Variants in MAPRE3 observed in about 807,000 individuals in gnomAD.
The protein encoded by MAPRE3 is microtubule associated protein RP/EB family member 3.
MAPRE3 carries 2 observed loss-of-function variants against 30.5 expected under a neutral mutation model. The observed-to-expected ratio is 0.07, with a 90% CI of 0.03 to 0.21. MAPRE3 has a LOEUF of 0.21. Among genes scored for constraint, MAPRE3 ranks in the 10% least tolerant of loss-of-function variants. The probability of loss-of-function intolerance (pLI) is 1.00; values close to 1 mark genes in which losing one functional copy is unlikely to be tolerated. For missense variants in MAPRE3, 204 were observed against 351.8 expected (o/e 0.58, Z 3.36); for synonymous variants, 110 against 127.7 (o/e 0.86, Z 0.93).
intron 1 of MAPRE3, among the ~76,000 whole-genome samples, chr2:26,972,651 C>G (rs1289118147): frequency 6.6e-6 from 1 of 152,210 alleles, no homozygotes; most frequent in Admixed American, 6.5e-5. Flanking sequence ...TACTGGAGAG[C>G]TGCTCCTCCT....
intron 1 of MAPRE3, chr2:27,002,149 G>C (rs1666614523): frequency 6.6e-6 from 1 of 152,180 alleles, no homozygotes; most frequent in African/African-American, 2.4e-5. Context: ...AAGGAAGAAG[G>C]GTGTTGGGAT....
chr2:26,995,825 G>GTGTA lies in MAPRE3; in HGVS notation c.-8+25026_-8+25027insATGT, dbSNP rs1553327994. ...TGTGTGTGTGTGTGTGTGTGTGTGT[G>GTGTA]TGTGTATGTGTGTGTGTTTTGGAAA... On this transcript the variant is annotated intron_variant, in intron 1 of 6. Transcript: ENST00000233121. Among the ~76,000 whole-genome samples, 25 of 149,348 alleles carry GTGTA rather than the reference G, an allele frequency of 1.7e-4. No homozygotes were observed. In the South Asian group the frequency reaches 2.0e-3, roughly 12 times the overall value.
intron 1 of MAPRE3, among the ~76,000 whole-genome samples, chr2:27,018,181 A>G (rs1667028446): frequency 6.6e-6 from 1 of 152,136 alleles, no homozygotes; most frequent in Non-Finnish European, 1.5e-5. Context: ...CCAACCTAAG[A>G]CTACTCCTTG....
Position 26,990,279 on chromosome 2 carries a change from C to T in MAPRE3, c.-8+19477C>T, listed in dbSNP as rs563558304. Among the ~76,000 whole-genome samples the T allele has an allele frequency of 2.6e-5, 4 of 152,330 alleles. No individual in the cohort carries two copies. The South Asian group carries it at 8.3e-4, about 32-fold the overall frequency. On this transcript the variant is annotated intron_variant, in intron 1 of 6. Transcript: ENST00000233121. ...TTCCCAAGGAAGCTGTGTATTTCCACACCCCCTCCTATGCGCCCCATGCTC... is the reference window on the plus strand; with the variant it reads ...TTCCCAAGGAAGCTGTGTATTTCCATACCCCCTCCTATGCGCCCCATGCTC...
At chr2:26,991,919 C>T (rs1666353348) in intron 1 of MAPRE3, among the ~76,000 whole-genome samples, 1 of 152,154 alleles carries the variant, frequency 6.6e-6, no homozygotes, top group African/African-American at 2.4e-5. Context: ...CTAGACTTTG[C>T]ACCTTGACCT....
intron 1 of MAPRE3, among the ~76,000 whole-genome samples, chr2:27,000,761 C>T (rs1409938999): frequency 1.3e-5 from 2 of 152,164 alleles, no homozygotes; most frequent in Non-Finnish European, 2.9e-5. Flanking sequence ...CTCAGTGGCC[C>T]TAGTTAGAAG....
intron 1 of MAPRE3, among the ~76,000 whole-genome samples, chr2:26,984,278 A>G (rs1486957838): frequency 6.6e-6 from 1 of 152,266 alleles, no homozygotes; most frequent in African/African-American, 2.4e-5. Context: ...ATATTTATGA[A>G]TTAAAACATT....
At chr2:27,018,918 TA>T (rs1387280754) in intron 1 of MAPRE3, among the ~76,000 whole-genome samples, 6 of 151,446 alleles carry the variant, frequency 4.0e-5, no homozygotes, top group African/African-American at 1.5e-4. Context: ...TTTATTTATT[TA>T]TTTATTTATT....
intron 1 of MAPRE3, chr2:26,995,490 A>T (rs932248863): frequency 6.6e-6 from 1 of 152,232 alleles, no homozygotes; most frequent in African/African-American, 2.4e-5. Flanking sequence ...GAATGATGGG[A>T]TGTGTCAACA....
chr2:26,976,451 G>A (rs1236185588), intron 1 of MAPRE3, among the ~76,000 whole-genome samples: 5 of 152,132 alleles, frequency 3.3e-5, no homozygotes, highest in South Asian at 2.1e-4. Flanking sequence ...GTACAATTTC[G>A]TGTGACAGTT....
At position 26,986,962 on chromosome 2, in the gene MAPRE3, C is replaced by G. The variant is rs1037585813; in HGVS notation, c.-8+16160C>G. 6.6e-6 allele frequency among the ~76,000 whole-genome samples: 1 copy of G among 152,032 alleles called. No homozygotes were observed. The highest frequency in any genetic ancestry group is 2.4e-5 in the African/African-American group (1 of 41,386). On this transcript the variant is annotated intron_variant, in intron 1 of 6. Transcript: ENST00000233121. This position sits in a 1 kb window ranked among gnomAD's most constrained non-coding sequence, Gnocchi z 4.2. ...AGCCACCGTGTGAAAGAGTTTCCAC[C>G]TAGAGGTAAGAACTCAGGAGGGAGT...
rs765430918 is a variant in MAPRE3, at chr2:27,026,352, C to T, written c.*4C>T. ...AGAAGACCAGGACGAGTACTGAGGG[C>T]GGCCGCAGCCCTGGCTGACTGCACA... On this transcript the variant is annotated 3_prime_UTR_variant, in exon 7 of 7. Transcript: ENST00000233121. The T allele has an allele frequency of 1.1e-5, 18 of 1,612,158 alleles. No homozygotes were observed. The highest frequency in any genetic ancestry group is 8.8e-5 in the South Asian group (8 of 90,916).
intron 1 of MAPRE3, among the ~76,000 whole-genome samples, chr2:26,984,529 G>A (rs1454841899): frequency 2.0e-5 from 3 of 152,192 alleles, no homozygotes; most frequent in Non-Finnish European, 2.9e-5. Context: ...TGGCACCAGG[G>A]GGTGGTTTGG....
chr2:27,023,964 G>C, intron 3 of MAPRE3, 132 bp from the exon 4 acceptor site: 1 of 665,260 alleles, frequency 1.5e-6, no homozygotes, highest in Admixed American at 2.7e-5. Flanking sequence ...CCGTGGGAGG[G>C]GGGCAAGTGG....
At chr2:26,971,641 A>C (rs1665918573) in intron 1 of MAPRE3, among the ~76,000 whole-genome samples, 1 of 150,866 alleles carries the variant, frequency 6.6e-6, no homozygotes, top group Non-Finnish European at 1.5e-5. Context: ...TTTAAATCGC[A>C]CTACAACCCT....
At position 27,025,590 on chromosome 2, in the gene MAPRE3, G is replaced by A. The variant is rs770244043; in HGVS notation, c.477G>A (p.Gln159=). 2.4e-5 allele frequency: 38 copies of A among 1,576,018 alleles called. No homozygotes were observed. Among genetic ancestry groups the A allele is most frequent in the Middle Eastern group, 1.7e-4 (1 of 5,842 alleles). The change falls in exon 5 of 7, where the codon CAG becomes CAA. Residue 159 remains glutamine, a synonymous_variant. Coordinates refer to ENST00000233121, the MANE Select transcript of MAPRE3 (RefSeq NM_012326.4). The part of the protein sequence containing the change: ...SKKLIGTAVP[Q]RTSPTGPKNM... The stretch of plus-strand genomic sequence containing the variant: ...CTCTTTTCCTCTGGGCAGTTCCACA[G>A]AGGACGTCCCCCACAGGCCCAAAAA...
intron 1 of MAPRE3, chr2:26,997,045 A>G (rs1478144589): frequency 6.6e-6 from 1 of 151,828 alleles, no homozygotes; most frequent in Non-Finnish European, 1.5e-5. Context: ...GTTGTAAAAT[A>G]CATGATATGT....
intron 1 of MAPRE3, among the ~76,000 whole-genome samples, chr2:27,020,720 A>C (rs1667091884): frequency 6.6e-6 from 1 of 152,252 alleles, no homozygotes; most frequent in Non-Finnish European, 1.5e-5. Flanking sequence ...TAAGTCTGCA[A>C]GGCAAATTCG....
chr2:26,972,172 G>T (rs554998037), intron 1 of MAPRE3, among the ~76,000 whole-genome samples: 1 of 152,130 alleles, frequency 6.6e-6, no homozygotes, highest in Non-Finnish European at 1.5e-5. Context: ...TAGAAAGCAC[G>T]TGTAAATATA....
Sources: gnomAD v4.1 joint callset for allele counts (sites outside exome capture counted in the v4.1 genomes callset) on GRCh38, gnomAD v4.1.1 for gene constraint, Gnocchi (gnomAD v3.1) non-coding constraint, MANE v1.5 for transcripts, NCBI Gene and HGNC (gene_info 2026-07-23, HGNC 2026-07-21) for gene names.